BCAS3: variants seen among roughly 807,000 people sequenced by gnomAD.
BCAS3 encodes BCAS3 microtubule associated cell migration factor, also known as BCAS4/BCAS3 fusion.
A neutral mutation model predicts 116.1 loss-of-function variants in BCAS3; 53 were observed. The ratio of observed to expected loss-of-function variants is 0.46; its 90% CI spans 0.37 to 0.57. BCAS3 has a LOEUF of 0.57. Among genes scored for constraint, BCAS3 ranks in the 20% least tolerant of loss-of-function variants. The probability of loss-of-function intolerance (pLI) is 0.00; values close to 1 mark genes in which losing one functional copy is unlikely to be tolerated. For synonymous variants in BCAS3, 391 were observed against 408.2 expected (o/e 0.96, Z 0.51); for missense variants, 917 against 1,165.4 (o/e 0.79, Z 3.10).
chr17:60,865,658 G>A (rs1237104347), intron 7 of BCAS3, among the ~76,000 whole-genome samples: 4 of 152,074 alleles, frequency 2.6e-5, no homozygotes, highest in African/African-American at 7.2e-5. Flanking sequence ...GAGATTCTTT[G>A]GGATTTTTTA....
At chr17:60,897,587 T>C (rs1372475355) in intron 10 of BCAS3, among the ~76,000 whole-genome samples, 1 of 152,208 alleles carries the variant, frequency 6.6e-6, no homozygotes, top group Non-Finnish European at 1.5e-5. Flanking sequence ...TGTCATAATG[T>C]CTTCGCTTAT....
chr17:61,022,580 CT>C (rs1202307722), intron 16 of BCAS3, among the ~76,000 whole-genome samples: 2 of 152,104 alleles, frequency 1.3e-5, no homozygotes, highest in Admixed American at 1.3e-4. Context: ...GCATAAATTT[CT>C]ACAGAAGTTT....
intron 22 of BCAS3, among the ~76,000 whole-genome samples, chr17:61,110,853 T>A (rs1167696878): frequency 6.6e-6 from 1 of 152,168 alleles, no homozygotes; most frequent in Admixed American, 6.5e-5. Context: ...GTCTGACAGC[T>A]TTGTAGAGAG....
chr17:61,191,994 C>T (rs1200611434), intron 22 of BCAS3, among the ~76,000 whole-genome samples: 1 of 151,822 alleles, frequency 6.6e-6, no homozygotes, highest in Admixed American at 6.6e-5. Context: ...CCTGTAATCC[C>T]AGCACTTTGG....
At position 60,780,491 on chromosome 17, in the gene BCAS3, C is replaced by T. The variant is rs555107881; in HGVS notation, c.404-27513C>T. Among the ~76,000 whole-genome samples the T allele has an allele frequency of 8.6e-5, 13 of 151,906 alleles. No homozygotes were observed. In the South Asian group the frequency reaches 1.2e-3, roughly 15 times the overall value. Reference sequence around the variant, plus strand: ...CTAATTTATCTATTTTTAATAGAGACGGGGTTTCACTATGTTGGCCAGGCT... The same window carrying T: ...CTAATTTATCTATTTTTAATAGAGATGGGGTTTCACTATGTTGGCCAGGCT... On this transcript the variant is annotated intron_variant, in intron 6 of 23. Coordinates refer to ENST00000407086, the MANE Select transcript of BCAS3 (RefSeq NM_017679.5).
In BCAS3 at chr17:61,278,277, G is replaced by A. The variant is rs1446368173; in HGVS notation, c.2426-90050G>A. On this transcript the variant is annotated intron_variant, in intron 22 of 23. Coordinates refer to ENST00000407086, the MANE Select transcript of BCAS3 (RefSeq NM_017679.5). The surrounding 1 kb of genome is among the most constrained non-coding windows in gnomAD (Gnocchi z 5.8). ...AGGCTGGTCTTGAACTCCTGACCTT[G>A]TGATCCGCCTGCCTCGGCCTCTCAA... 6.6e-6 allele frequency among the ~76,000 whole-genome samples: 1 copy of A among 152,184 alleles called. No individual in the cohort carries two copies. Among genetic ancestry groups the A allele is most frequent in the East Asian group, 1.9e-4 (1 of 5,194 alleles).
rs560340604 is a variant in BCAS3, at chr17:61,029,607, A to G, written c.1638-5059A>G. 6.6e-6 allele frequency among the ~76,000 whole-genome samples: 1 copy of G among 152,020 alleles called. No homozygotes were observed. Among genetic ancestry groups the G allele is most frequent in the African/African-American group, 2.4e-5 (1 of 41,444 alleles). ...TGTATCAAGCTCTGAATTTGCATGT[A>G]GTGTTGTATTTAAGCTACTGTTATT... is the stretch of plus-strand genomic sequence containing the variant. On this transcript the variant is annotated intron_variant, in intron 16 of 23. Transcript: ENST00000407086. This position sits in a 1 kb window ranked among gnomAD's most constrained non-coding sequence, Gnocchi z 5.2.
intron 22 of BCAS3, among the ~76,000 whole-genome samples, chr17:61,329,321 C>T (rs2056014803): frequency 6.7e-6 from 1 of 149,942 alleles, no homozygotes. Flanking sequence ...AACATCCAGG[C>T]CATGTTATTA....
At chr17:60,757,620 T>C (rs944973495) in intron 6 of BCAS3, among the ~76,000 whole-genome samples, 3 of 152,122 alleles carry the variant, frequency 2.0e-5, no homozygotes, top group East Asian at 3.9e-4. Context: ...TTTTAAAAAA[T>C]TGTTGAATTT....
rs560811731 is a variant in BCAS3, at chr17:61,349,879, G to A, written c.2426-18448G>A. Among the ~76,000 whole-genome samples the A allele has an allele frequency of 3.9e-5, 6 of 152,330 alleles. No individual in the cohort carries two copies. The highest frequency in any genetic ancestry group is 2.0e-4 in the Admixed American group (3 of 15,300). On this transcript the variant is annotated intron_variant, in intron 22 of 23. Transcript: ENST00000407086. This position sits in a 1 kb window ranked among gnomAD's most constrained non-coding sequence, Gnocchi z 4.7. The stretch of plus-strand genomic sequence containing the variant: ...GTATTAGCATAGAAGCAGTTCAGAA[G>A]GCCAGTGCCCTTTGTGTGAAATTGC...
chr17:61,175,705 A>G (rs1249450585), intron 22 of BCAS3, among the ~76,000 whole-genome samples: 1 of 152,196 alleles, frequency 6.6e-6, no homozygotes, highest in Non-Finnish European at 1.5e-5. Context: ...TCACTGGGAG[A>G]AAATATTAAC....
At chr17:61,146,105 G>GTTTT (rs2077187864) in intron 22 of BCAS3, among the ~76,000 whole-genome samples, 1 of 87,384 alleles carries the variant, frequency 1.1e-5, no homozygotes, top group African/African-American at 3.8e-5. Context: ...GTTACTTACT[G>GTTTT]GTTTTTTGTT....
chr17:60,835,993 A>T (rs2051336867), intron 7 of BCAS3, among the ~76,000 whole-genome samples: 1 of 152,102 alleles, frequency 6.6e-6, no homozygotes, highest in African/African-American at 2.4e-5. Flanking sequence ...TGGATTCTCT[A>T]AAAAAATTTT....
At chr17:60,700,602 G>C (rs1216339035) in intron 4 of BCAS3, among the ~76,000 whole-genome samples, 2 of 152,178 alleles carry the variant, frequency 1.3e-5, no homozygotes, top group African/African-American at 4.8e-5. Context: ...AATTGGTTTT[G>C]AGTAACTCCA....
chr17:60,778,737 G>A (rs573288533), intron 6 of BCAS3, among the ~76,000 whole-genome samples: 2 of 152,268 alleles, frequency 1.3e-5, no homozygotes, highest in Non-Finnish European at 2.9e-5. Context: ...AGTGGCATAA[G>A]TGGCTTTAAA....
chr17:61,042,912 A>AAAAAAAAAAAAAAAG (rs1555682974), intron 19 of BCAS3, among the ~76,000 whole-genome samples: 4 of 143,704 alleles, frequency 2.8e-5, no homozygotes, highest in African/African-American at 1.1e-4. Context: ...AAAAAAAAAA[A>AAAAAAAAAAAAAAAG]AAAGAAAGAA....
At chr17:61,043,572 T>G (rs1217850744) in intron 19 of BCAS3, among the ~76,000 whole-genome samples, 2 of 152,120 alleles carry the variant, frequency 1.3e-5, no homozygotes, top group Admixed American at 1.3e-4. Context: ...GGGTTTTCAG[T>G]GGGTACACAG....
Position 60,995,667 on chromosome 17 carries a change from T to A in BCAS3, c.1486+5432T>A, listed in dbSNP as rs2063794247. ...TTGTTCTAAGAAAAACAATTTAGATTTAAATAATTACTTGTTAGAATGAAG... is the reference window on the plus strand; with the variant it reads ...TTGTTCTAAGAAAAACAATTTAGATATAAATAATTACTTGTTAGAATGAAG... On this transcript the variant is annotated intron_variant, in intron 15 of 23. Transcript: ENST00000407086. This position sits in a 1 kb window ranked among gnomAD's most constrained non-coding sequence, Gnocchi z 4.7. Among the ~76,000 whole-genome samples the A allele has an allele frequency of 6.6e-6, 1 of 152,194 alleles. No individual in the cohort carries two copies. Among genetic ancestry groups the A allele is most frequent in the Admixed American group, 6.5e-5 (1 of 15,276 alleles).
intron 13 of BCAS3, among the ~76,000 whole-genome samples, chr17:60,934,496 A>T (rs1055298980): frequency 6.6e-6 from 1 of 152,230 alleles, no homozygotes; most frequent in Non-Finnish European, 1.5e-5. Flanking sequence ...GTAAAGAAGG[A>T]TCTGTATAGT....
Sources: allele counts gnomAD v4.1 joint callset (sites outside exome capture counted in the v4.1 genomes callset), GRCh38; gene constraint gnomAD v4.1.1; non-coding constraint Gnocchi (gnomAD v3.1); transcripts MANE v1.5; gene names NCBI Gene and HGNC (gene_info 2026-07-23, HGNC 2026-07-21).